The following PCDH15 variants were observed in gnomAD, a reference collection of about 807,000 sequenced individuals.
PCDH15 encodes the protein protocadherin-15.
PCDH15 carries 129 observed loss-of-function variants against 178.5 expected under a neutral mutation model. The observed-to-expected ratio is 0.72, with a 90% CI of 0.63 to 0.84. PCDH15 has a LOEUF of 0.84. PCDH15 is among the 40% of genes least tolerant of loss of function. PCDH15 has a pLI of 0.00. For synonymous variants in PCDH15, 800 were observed against 732.0 expected (o/e 1.09, Z -1.50); for missense variants, 2,230 against 2,099.9 (o/e 1.06, Z -1.21).
At chr10:53,983,228 G>C (rs1170675297) in intron 21 of PCDH15, among the ~76,000 whole-genome samples, 1 of 151,588 alleles carries the variant, frequency 6.6e-6, no homozygotes, top group African/African-American at 2.4e-5. Context: ...GGGTGTGTGT[G>C]TGTTTGTGTG....
chr10:53,925,473 C>T (rs1284912834), intron 25 of PCDH15, among the ~76,000 whole-genome samples: 2 of 152,206 alleles, frequency 1.3e-5, no homozygotes, highest in African/African-American at 4.8e-5. Context: ...CTAACACTCA[C>T]CGCGAGGGTC....
chr10:55,398,850 A>G (rs1837991843), intron 2 of PCDH15, among the ~76,000 whole-genome samples: 1 of 152,162 alleles, frequency 6.6e-6, no homozygotes, highest in Admixed American at 6.6e-5. Flanking sequence ...ATATTTGCTC[A>G]AATAATAAAA....
chr10:55,185,527 A>C (rs952167645), intron 1 of PCDH15, among the ~76,000 whole-genome samples: 2 of 151,788 alleles, frequency 1.3e-5, no homozygotes, highest in Middle Eastern at 3.2e-3. Flanking sequence ...GGAGGAAGAG[A>C]AATATCAGTA....
At chr10:54,469,469 A>G (rs1365032690) in intron 3 of PCDH15, among the ~76,000 whole-genome samples, 3 of 152,076 alleles carry the variant, frequency 2.0e-5, no homozygotes, top group African/African-American at 7.2e-5. Flanking sequence ...TTTACATTCA[A>G]CTTTATTTTT....
In PCDH15 at chr10:54,144,273, G is replaced by T. The variant is rs188751418; in HGVS notation, c.1784+8827C>A. On this transcript the variant is annotated intron_variant, in intron 14 of 37. Transcript: ENST00000644397. ...TGAAAATTGATAAATAGAAAGGGGGGACTGAAACCGACCAAACAGTCCCAT... is the reference window on the plus strand; with the variant it reads ...TGAAAATTGATAAATAGAAAGGGGGTACTGAAACCGACCAAACAGTCCCAT... Among the ~76,000 whole-genome samples the T allele has an allele frequency of 2.8e-4, 42 of 152,186 alleles. 1 individual carries two copies. Among genetic ancestry groups the T allele is most frequent in the Admixed American group, 7.9e-4 (12 of 15,254 alleles).
At chr10:55,510,860 A>G (rs998781410) in intron 2 of PCDH15, among the ~76,000 whole-genome samples, 13 of 149,564 alleles carry the variant, frequency 8.7e-5, no homozygotes, top group African/African-American at 3.2e-4. Flanking sequence ...TATAATATAT[A>G]TACATACACA....
chr10:54,478,097 G>A (rs976785826), intron 3 of PCDH15, among the ~76,000 whole-genome samples: 9 of 151,994 alleles, frequency 5.9e-5, no homozygotes, highest in African/African-American at 2.2e-4. Flanking sequence ...AATATTTTCA[G>A]TGTTTTTCAA....
intron 26 of PCDH15, among the ~76,000 whole-genome samples, chr10:53,886,347 A>G (rs2081091017): frequency 6.6e-6 from 1 of 152,118 alleles, no homozygotes; most frequent in East Asian, 1.9e-4. Flanking sequence ...AAAACCTCAC[A>G]TTTGTCCTTA....
At chr10:54,167,555 C>T (rs2046357347) in intron 13 of PCDH15, among the ~76,000 whole-genome samples, 1 of 152,048 alleles carries the variant, frequency 6.6e-6, no homozygotes, top group African/African-American at 2.4e-5. Context: ...CTTGGTCCTT[C>T]ACCCTTAGCG....
At chr10:55,252,453 T>G (rs938387728) in intron 1 of PCDH15, among the ~76,000 whole-genome samples, 17 of 152,270 alleles carry the variant, frequency 1.1e-4, no homozygotes, top group African/African-American at 4.1e-4. Flanking sequence ...TTATTATTTA[T>G]GTTAATTTCC....
chr10:54,468,390 G>T (rs1481361231), intron 3 of PCDH15, among the ~76,000 whole-genome samples: 2 of 151,314 alleles, frequency 1.3e-5, no homozygotes, highest in Non-Finnish European at 3.0e-5. Context: ...TACATTTTTT[G>T]ATTCCTCTCT....
Position 55,427,608 on chromosome 10 carries a change from A to C in PCDH15, c.-156+200017T>G, listed in dbSNP as rs1470839523. 2.6e-5 allele frequency among the ~76,000 whole-genome samples: 4 copies of C among 152,206 alleles called. No individual in the cohort carries two copies. The East Asian group carries it at 7.7e-4, about 29-fold the overall frequency. ...AATATTTTTGTGTACTAGTTTGCAC[A>C]TGATCGAATGCATCTTGGAGTGGTG... On this transcript the variant is annotated intron_variant, in intron 2 of 5. Transcript: ENST00000613346.
At chr10:54,561,560 A>G (rs1458556777) in intron 2 of PCDH15, among the ~76,000 whole-genome samples, 1 of 152,142 alleles carries the variant, frequency 6.6e-6, no homozygotes, top group African/African-American at 2.4e-5. Context: ...TGTACCAATC[A>G]GCAGTGGTGA....
chr10:55,147,203 T>C (rs1838541556), intron 2 of PCDH15, among the ~76,000 whole-genome samples: 1 of 151,472 alleles, frequency 6.6e-6, no homozygotes, highest in South Asian at 2.1e-4. Flanking sequence ...TCACCAGTGG[T>C]CAATTGTACT....
chr10:55,023,953 A>T (rs1362108705), intron 2 of PCDH15, among the ~76,000 whole-genome samples: 14 of 149,530 alleles, frequency 9.4e-5, no homozygotes. Context: ...TTTACATCTG[A>T]ATCAGAGAAA....
At chr10:55,612,421 G>A (rs192852146) in intron 2 of PCDH15, among the ~76,000 whole-genome samples, 3 of 151,984 alleles carry the variant, frequency 2.0e-5, no homozygotes, top group Admixed American at 1.3e-4. Flanking sequence ...AATATGGCAC[G>A]TCCAAAAGAA....
intron 27 of PCDH15, among the ~76,000 whole-genome samples, chr10:53,864,932 A>G (rs540396235): frequency 7.2e-5 from 11 of 152,200 alleles, no homozygotes; most frequent in African/African-American, 2.6e-4. Flanking sequence ...TCACACTCAA[A>G]GCCGTCATGT....
intron 3 of PCDH15, among the ~76,000 whole-genome samples, chr10:54,466,860 T>C (rs1045935659): frequency 2.6e-5 from 4 of 151,990 alleles, no homozygotes; most frequent in Admixed American, 2.6e-4. Context: ...TAATTTTCCT[T>C]GTAGAAGTAT....
In PCDH15 at chr10:54,942,198, C is replaced by T. The variant is rs184735953; in HGVS notation, c.-79-44698G>A. On this transcript the variant is annotated intron_variant, in intron 2 of 5. Transcript: ENST00000458638. ...TGCTTCCTTGGGAAGATACATGATG[C>T]TCTCTGTTTTCACTCCCTTTTTCTC... Among the ~76,000 whole-genome samples, 656 of 152,094 alleles carry T rather than the reference C, an allele frequency of 4.3e-3. 17 individuals carry two copies. The highest frequency in any genetic ancestry group is 0.038 in the Admixed American group (579 of 15,248).
Sources: gnomAD v4.1 joint callset for allele counts (sites outside exome capture counted in the v4.1 genomes callset) on GRCh38, gnomAD v4.1.1 for gene constraint, MANE v1.5 for transcripts, NCBI Gene and HGNC (gene_info 2026-07-23, HGNC 2026-07-21) for gene names.